Variants in SLC28A1 observed in about 807,000 individuals in gnomAD.
SLC28A1 encodes sodium/nucleoside cotransporter 1.
SLC28A1 carries 64 observed loss-of-function variants against 74.8 expected under a neutral mutation model. The observed-to-expected ratio is 0.86, with a 90% CI of 0.70 to 1.05. The LOEUF is 1.05. SLC28A1 is among the 50% of genes least tolerant of loss of function. The pLI is 0.00. For synonymous variants in SLC28A1, 359 were observed against 335.0 expected (o/e 1.07, Z -0.78); for missense variants, 828 against 822.8 (o/e 1.01, Z -0.08).
At chr15:84,920,582 T>A (rs939198760) in intron 10 of SLC28A1, among the ~76,000 whole-genome samples, 5 of 152,148 alleles carry the variant, frequency 3.3e-5, no homozygotes, top group African/African-American at 9.7e-5. Context: ...GGTAGCCTAA[T>A]CCCATGGTCA....
At chr15:84,916,240 C>CTTT (rs34180316) in intron 9 of SLC28A1, among the ~76,000 whole-genome samples, 1 of 98,424 alleles carries the variant, frequency 1.0e-5, no homozygotes, top group Admixed American at 9.8e-5. Context: ...GCTGGGATTA[C>CTTT]TTTTTTTTTT....
chr15:84,957,328 G>A, the SLC28A1 span, among the ~76,000 whole-genome samples: 173 of 152,172 alleles, frequency 1.1e-3, 1 homozygote, highest in Non-Finnish European at 1.9e-3. Context: ...GTGCAGTGGC[G>A]CAGTCTCCAC....
At chr15:84,920,495 T>C (rs1182449776) in intron 10 of SLC28A1, among the ~76,000 whole-genome samples, 2 of 75,906 alleles carry the variant, frequency 2.6e-5, no homozygotes, top group Non-Finnish European at 5.7e-5. Context: ...GGGAAGGGCT[T>C]TCTAATAGAA....
At chr15:84,922,100 T>G (rs1168317148) in intron 11 of SLC28A1, among the ~76,000 whole-genome samples, 1 of 152,142 alleles carries the variant, frequency 6.6e-6, no homozygotes, top group Non-Finnish European at 1.5e-5. Context: ...TGGCATCATT[T>G]GAACCTCTCT....
chr15:84,919,045 A>G (rs938853742), intron 10 of SLC28A1, among the ~76,000 whole-genome samples: 3 of 152,206 alleles, frequency 2.0e-5, no homozygotes, highest in African/African-American at 7.2e-5. Flanking sequence ...GTCTCCTGTC[A>G]TGATACTAAA....
intron 11 of SLC28A1, among the ~76,000 whole-genome samples, chr15:84,922,952 T>C (rs1251158045): frequency 1.3e-5 from 2 of 152,246 alleles, no homozygotes; most frequent in Non-Finnish European, 2.9e-5. Context: ...GTTTTTGTTT[T>C]CTGAGATGGA....
intron 8 of SLC28A1, 107 bp from the exon 9 acceptor site, chr15:84,908,611 G>T: frequency 1.1e-6 from 1 of 893,514 alleles, no homozygotes. Context: ...AAGGGCCTGG[G>T]GGGACTACGT....
the SLC28A1 span, among the ~76,000 whole-genome samples, chr15:84,973,592 G>C: frequency 6.6e-6 from 1 of 152,172 alleles, no homozygotes; most frequent in East Asian, 1.9e-4. Flanking sequence ...ACTCAGTTCA[G>C]GGAAGTGCTC....
At chr15:84,948,128 C>A (rs2079295962), downstream of SLC28A1, among the ~76,000 whole-genome samples, 1 of 152,098 alleles carries the variant, frequency 6.6e-6, no homozygotes, top group Non-Finnish European at 1.5e-5. Context: ...GCTACATTGA[C>A]CCCCCTTCTG....
In SLC28A1 at chr15:84,928,519, GTTCGTTCGTTCTTTCTTTCTTTCTTTCT is replaced by G. The variant is rs1970766054; in HGVS notation, c.1083+4413_1083+4440del. On this transcript the variant is annotated intron_variant, in intron 12 of 18. Coordinates refer to ENST00000394573, the MANE Select transcript of SLC28A1 (RefSeq NM_004213.5). ...CTTGCCCTTTCCTTCAAGCTCCCAG[GTTCGTTCGTTCTTTCTTTCTTTCTTTCT>G]TTCTTTCTTTCTTTCTTTCTTTCTT... 1.4e-4 allele frequency among the ~76,000 whole-genome samples: 6 copies of G among 42,938 alleles called. 1 individual carries two copies. Among genetic ancestry groups the G allele is most frequent in the Middle Eastern group, 0.011 (1 of 92 alleles). The allele number at this position is 42,938 out of a possible 152,430, so 28.2% of individuals were successfully genotyped here. A position where few individuals can be genotyped will look rare whatever the true frequency, so the allele number is the denominator to read the frequency against.
At chr15:84,906,575 TTCCTTCCTTCCTTCCTTC>T (rs1967254683) in intron 8 of SLC28A1, among the ~76,000 whole-genome samples, 1 of 39,576 alleles carries the variant, frequency 2.5e-5, no homozygotes, top group South Asian at 5.2e-4. Flanking sequence ...TCTTTCTTTC[TTCCTTCCTTCCTTCCTTC>T]CTTCCTTCCT....
the SLC28A1 span, among the ~76,000 whole-genome samples, chr15:84,964,017 T>C: frequency 6.6e-6 from 1 of 152,260 alleles, no homozygotes; most frequent in East Asian, 1.9e-4. Context: ...CAGGACCCAA[T>C]GTGGCTGTCT....
chr15:84,908,889 A>G, intron 9 of SLC28A1, 94 bp downstream of exon 9: 1 of 1,018,508 alleles, frequency 9.8e-7, no homozygotes, highest in Non-Finnish European at 1.5e-6. Flanking sequence ...GCCCAGGTGG[A>G]GGGGAGGAGT....
chr15:84,888,932 C>T, intron 4 of SLC28A1, 72 bp downstream of exon 4: 1 of 1,105,234 alleles, frequency 9.0e-7, no homozygotes, highest in South Asian at 1.3e-5. Flanking sequence ...GGGAGCCGGG[C>T]CTCCTGGCGG....
intron 9 of SLC28A1, 61 bp from the exon 10 acceptor site, chr15:84,918,463 G>A (rs887922727): frequency 3.1e-5 from 42 of 1,363,760 alleles, no homozygotes; most frequent in Admixed American, 1.8e-4. Context: ...CCTGGGCCCC[G>A]CCTGGCACCC....
At chr15:84,908,148 T>G (rs1967518786) in intron 8 of SLC28A1, among the ~76,000 whole-genome samples, 1 of 151,794 alleles carries the variant, frequency 6.6e-6, no homozygotes, top group Admixed American at 6.6e-5. Context: ...TTATCTCTTC[T>G]TTATTGTCCT....
intron 12 of SLC28A1, among the ~76,000 whole-genome samples, chr15:84,928,595 T>TTCCTTCCTTCC (rs1596327926): frequency 6.6e-5 from 1 of 15,184 alleles, no homozygotes; most frequent in Admixed American, 5.4e-4. Flanking sequence ...TCTTTCTTTC[T>TTCCTTCCTTCC]TTCTTTCTTT....
rs1321227748 is a variant in SLC28A1, at chr15:84,945,697, T to C, written c.*497T>C. ...CCTTTCCTCAGAGTGCTTCCCAAACTGAGGTCCCATGGCACACTGTCCTGG... is the reference window on the plus strand; with the variant it reads ...CCTTTCCTCAGAGTGCTTCCCAAACCGAGGTCCCATGGCACACTGTCCTGG... On this transcript the variant is annotated 3_prime_UTR_variant, in exon 19 of 19. Coordinates refer to ENST00000394573, the MANE Select transcript of SLC28A1 (RefSeq NM_004213.5). 1.8e-5 allele frequency: 4 copies of C among 223,938 alleles called. No individual in the cohort carries two copies. The highest frequency in any genetic ancestry group is 2.7e-5 in the Non-Finnish European group (3 of 111,970). 13.9% of individuals were successfully genotyped at this position (223,938 alleles called of 1,614,324 possible). A position where few individuals can be genotyped will look rare whatever the true frequency, so the allele number is the denominator to read the frequency against.
the SLC28A1 span, among the ~76,000 whole-genome samples, chr15:84,962,301 T>C: frequency 6.6e-6 from 1 of 152,124 alleles, no homozygotes; most frequent in African/African-American, 2.4e-5. Context: ...CTCGAACTCC[T>C]GGCCTCAGGT....
Sources: gnomAD v4.1 joint callset for allele counts (sites outside exome capture counted in the v4.1 genomes callset) on GRCh38, gnomAD v4.1.1 for gene constraint, MANE v1.5 for transcripts, NCBI Gene and HGNC (gene_info 2026-07-23, HGNC 2026-07-21) for gene names.